The following ACVR2A variants were observed in gnomAD, a reference collection of about 807,000 sequenced individuals.
ACVR2A encodes activin receptor type-2A.
Under a neutral mutation model 61.4 loss-of-function variants are expected in ACVR2A, and 7 were observed. That is an observed-to-expected ratio of 0.11 (90% CI 0.06 to 0.21). The LOEUF (loss-of-function observed/expected upper bound fraction) is 0.21. Among genes scored for constraint, ACVR2A ranks in the 10% least tolerant of loss-of-function variants. The pLI is 1.00. For missense variants in ACVR2A, 322 were observed against 621.7 expected, an observed-to-expected ratio of 0.52 and a Z score of 5.13; for synonymous variants, 193 against 208.3, an observed-to-expected ratio of 0.93 and a Z score of 0.63.
At position 147,920,242 on chromosome 2, in the gene ACVR2A, T is replaced by C. The variant is rs1687347218; in HGVS notation, c.975T>C (p.Ser325=). The change falls in exon 8 of 11, where the codon AGT becomes AGC. Residue 325 remains serine, a synonymous_variant. Transcript: ENST00000241416. ...KPAISHRDIK[S]KNVLLKNNLT... is the part of the protein sequence containing the mutation. Reference sequence around the variant, plus strand: ...TTTTATTTGCAAGGGACATCAAAAGTAAAAATGTGCTGTTGAAAAACAACC... The same window carrying C: ...TTTTATTTGCAAGGGACATCAAAAGCAAAAATGTGCTGTTGAAAAACAACC... The C allele has an allele frequency of 1.9e-6, 3 of 1,612,676 alleles. No individual in the cohort carries two copies. Among genetic ancestry groups the C allele is most frequent in the South Asian group, 2.2e-5 (2 of 90,892 alleles).
rs1438844856 is a variant in ACVR2A, at chr2:147,915,310, G to A, written c.648G>A (p.Val216=). The A allele has an allele frequency of 1.9e-6, 3 of 1,611,878 alleles. No individual in the cohort carries two copies. The Admixed American group carries it at 5.0e-5, about 27-fold the overall frequency. Residue 216 remains valine (V), a synonymous_variant, in exon 5 of 11, where the codon GTG becomes GTA. Transcript: ENST00000241416. ...AAGCCCAGTTGCTTAACGAATATGT[G>A]GCTGTCAAAATATTTCCAATACAGG... ...VWKAQLLNEY[V]AVKIFPIQDK... is the part of the protein sequence containing the mutation.
At position 147,930,777 on chromosome 2, in the gene ACVR2A, T is replaced by A. The variant is rs1573724721; in HGVS notation, c.*3503T>A. 1 of 152,520 alleles carries A rather than the reference T, an allele frequency of 6.6e-6. No homozygotes were observed. Among genetic ancestry groups the A allele is most frequent in the South Asian group, 2.1e-4 (1 of 4,826 alleles). 9.4% of individuals were successfully genotyped at this position (152,520 alleles called of 1,614,324 possible). On this transcript the variant is annotated 3_prime_UTR_variant, in exon 11 of 11. Coordinates refer to ENST00000241416, the MANE Select transcript of ACVR2A (RefSeq NM_001616.5). The stretch of plus-strand genomic sequence containing the variant: ...TTAAATATTGTACAAATAAAATGTA[T>A]GCTATCCCCATTCCATCCCCAAGTT...
At chr2:147,907,935 A>C (rs1371731998) in intron 4 of ACVR2A, among the ~76,000 whole-genome samples, 1 of 150,700 alleles carries the variant, frequency 6.6e-6, no homozygotes, top group African/African-American at 2.4e-5. Flanking sequence ...GCTACTTCGG[A>C]GGCTGAGGTG....
intron 5 of ACVR2A, among the ~76,000 whole-genome samples, chr2:147,916,924 T>C (rs1034706220): frequency 6.6e-6 from 1 of 151,966 alleles, no homozygotes; most frequent in African/African-American, 2.4e-5. Flanking sequence ...TTCAAGGAGA[T>C]TATTCTGAAT....
chr2:147,872,616 G>A (rs1029023529), intron 1 of ACVR2A, among the ~76,000 whole-genome samples: 4 of 149,352 alleles, frequency 2.7e-5, no homozygotes, highest in Admixed American at 6.7e-5. Flanking sequence ...GAGTCATTTT[G>A]TTGAGCAGGA....
chr2:147,881,406 A>T (rs2105170725), intron 1 of ACVR2A, among the ~76,000 whole-genome samples: 1 of 152,192 alleles, frequency 6.6e-6, no homozygotes, highest in South Asian at 2.1e-4. Flanking sequence ...TTAAAGATGA[A>T]ATGATTCTTG....
In ACVR2A at chr2:147,927,159, G is replaced by A. The variant is rs778260944; in HGVS notation, c.1427G>A (p.Gly476Asp). The change falls in exon 11 of 11, where the codon GGT becomes GAT. Residue 476 changes from glycine to aspartate, a missense_variant. Around this residue, in one of 3 missense-constraint regions of ACVR2A, gnomAD observed 146 missense variants for 383.8 expected, o/e 0.38. Coordinates refer to ENST00000241416, the MANE Select transcript of ACVR2A (RefSeq NM_001616.5). ...GCCAGGTTATCAGCTGGATGTGTAG[G>A]TGAAAGAATTACCCAGATGCAGAGA... ...AEARLSAGCV[G>D]ERITQMQRLT... The A allele has an allele frequency of 6.2e-6, 10 of 1,612,374 alleles. No homozygotes were observed. Among genetic ancestry groups the A allele is most frequent in the Non-Finnish European group, 8.5e-6 (10 of 1,178,862 alleles).
chr2:147,886,192 A>G (rs927523379), intron 1 of ACVR2A, among the ~76,000 whole-genome samples: 1 of 152,232 alleles, frequency 6.6e-6, no homozygotes, highest in Non-Finnish European at 1.5e-5. Context: ...TAAAACCATC[A>G]TTCAATTTAA....
intron 1 of ACVR2A, among the ~76,000 whole-genome samples, chr2:147,891,917 ATTG>A (rs1401874096): frequency 1.3e-5 from 2 of 152,090 alleles, no homozygotes; most frequent in African/African-American, 2.4e-5. Flanking sequence ...GAAAGTGCCT[ATTG>A]TTTGCATACA....
At chr2:147,902,840 A>G (rs1686902972) in intron 4 of ACVR2A, 3 of 152,134 alleles carry the variant, frequency 2.0e-5, no homozygotes, top group South Asian at 4.1e-4. Flanking sequence ...TCAACTTTAC[A>G]TCAGTTAGGA....
intron 1 of ACVR2A, among the ~76,000 whole-genome samples, chr2:147,859,465 A>G (rs552661676): frequency 6.6e-6 from 1 of 151,950 alleles, no homozygotes; most frequent in South Asian, 2.1e-4. Flanking sequence ...GGCTTATAAA[A>G]TCAGTGTAGA....
chr2:147,850,073 G>A (rs915211019), intron 1 of ACVR2A, among the ~76,000 whole-genome samples: 18 of 152,064 alleles, frequency 1.2e-4, no homozygotes, highest in Non-Finnish European at 2.5e-4. Flanking sequence ...TTTGATACTA[G>A]GGGTCACTGG....
rs539106404 is a variant in ACVR2A at position 147,879,126 on chromosome 2, T to C, written c.56-17175T>C. ...TTGCAAATTAGAGATGATATTTTGCTTTTTTTCATTTCATTTTGTGAACTG... is the reference window on the plus strand; with the variant it reads ...TTGCAAATTAGAGATGATATTTTGCCTTTTTTCATTTCATTTTGTGAACTG... On this transcript the variant is annotated intron_variant, in intron 1 of 10. Transcript: ENST00000241416. Among the ~76,000 whole-genome samples, 4 of 152,130 alleles carry C rather than the reference T, an allele frequency of 2.6e-5. No homozygotes were observed. In the South Asian group the frequency reaches 8.3e-4, roughly 31 times the overall value.
rs373711455 is a variant in ACVR2A, at chr2:147,911,808, A to G, written c.529-3383A>G. On this transcript the variant is annotated intron_variant, in intron 4 of 10. Coordinates refer to ENST00000241416, the MANE Select transcript of ACVR2A (RefSeq NM_001616.5). ...TATTTATTTAAGGTAGGATGTAGAA[A>G]AAACCGTTTTACTTGATTAGAAGTT... Among the ~76,000 whole-genome samples the G allele has an allele frequency of 6.6e-5, 10 of 152,188 alleles. No individual in the cohort carries two copies. The East Asian group carries it at 1.3e-3, about 21-fold the overall frequency.
At position 147,865,339 on chromosome 2, in the gene ACVR2A, A is replaced by G. The variant is rs998550057; in HGVS notation, c.55+20132A>G. 1.8e-4 allele frequency among the ~76,000 whole-genome samples: 28 copies of G among 152,220 alleles called. 1 individual carries two copies. Among genetic ancestry groups the G allele is most frequent in the Admixed American group, 1.8e-3 (28 of 15,280 alleles). On this transcript the variant is annotated intron_variant, in intron 1 of 10. Transcript: ENST00000241416. ...TCCCTCTTTAACCAACTGTTAACCT[A>G]AAGTAAGTGACATAATTCTCTCAAA... is the stretch of plus-strand genomic sequence containing the variant.
At chr2:147,890,371 T>C (rs534489508) in intron 1 of ACVR2A, among the ~76,000 whole-genome samples, 1 of 151,764 alleles carries the variant, frequency 6.6e-6, no homozygotes, top group South Asian at 2.1e-4. Context: ...TGTGTGTGTA[T>C]ACACACATAC....
At chr2:147,876,798 G>T (rs1686168065) in intron 1 of ACVR2A, among the ~76,000 whole-genome samples, 2 of 152,180 alleles carry the variant, frequency 1.3e-5, no homozygotes, top group African/African-American at 4.8e-5. Flanking sequence ...TTAGTGGAAG[G>T]CCAGGGATTA....
chr2:147,867,735 A>C (rs1042507142), intron 1 of ACVR2A, among the ~76,000 whole-genome samples: 1 of 152,078 alleles, frequency 6.6e-6, no homozygotes, highest in Non-Finnish European at 1.5e-5. Context: ...AAAACCCCTT[A>C]CTTCTTGTCA....
At chr2:147,864,379 T>C (rs1045009165) in intron 1 of ACVR2A, among the ~76,000 whole-genome samples, 9 of 151,868 alleles carry the variant, frequency 5.9e-5, no homozygotes, top group Non-Finnish European at 1.3e-4. Flanking sequence ...ACATGCGCGC[T>C]CTACAACGCC....
Sources: gnomAD v4.1 joint callset for allele counts (sites outside exome capture counted in the v4.1 genomes callset) on GRCh38, gnomAD v4.1.1 for gene constraint, gnomAD v4.1.1 regional missense constraint, MANE v1.5 for transcripts, NCBI Gene and HGNC (gene_info 2026-07-23, HGNC 2026-07-21) for gene names.